BOC: variants seen among roughly 807,000 people sequenced by gnomAD.
BOC encodes BOC cell adhesion associated, oncogene regulated, also known as brother of CDO.
In BOC, 76 loss-of-function variants were observed where a neutral mutation model predicts 112.0. The observed-to-expected ratio is 0.68, with a 90% CI of 0.56 to 0.82. The LOEUF is 0.82. Among genes scored for constraint, BOC ranks in the 40% least tolerant of loss-of-function variants. The pLI, the probability that BOC is intolerant of heterozygous loss-of-function variation, is 0.00. For missense variants in BOC, 1,309 were observed against 1,511.7 expected (o/e 0.87, Z 2.22); for synonymous variants, 580 against 599.8 (o/e 0.97, Z 0.48).
In BOC at chr3:113,250,693, A is replaced by T. The variant is rs1559841171; in HGVS notation, c.236A>T (p.Asp79Val). Residue 79 changes from aspartate (D) to valine (V), a missense_variant, in exon 4 of 20, where the codon GAT (aspartate) becomes GTT (valine). Transcript: ENST00000682979. Reference sequence around the variant, plus strand: ...AATGGAAAGGAGCTGAATGGCTCGGATGATGCTCTGGGTGTCCTCATCACC... The same window carrying T: ...AATGGAAAGGAGCTGAATGGCTCGGTTGATGCTCTGGGTGTCCTCATCACC... ...RLNGKELNGS[D>V]DALGVLITHG... 1 of 1,614,152 alleles carries T rather than the reference A, an allele frequency of 6.2e-7. No homozygotes were observed.
intron 9 of BOC, among the ~76,000 whole-genome samples, chr3:113,277,775 A>G (rs1439734145): frequency 6.6e-6 from 1 of 152,250 alleles, no homozygotes; most frequent in Non-Finnish European, 1.5e-5. Context: ...AAACATGGAG[A>G]TTCTTTGAAA....
chr3:113,238,050 G>A (rs752187502), intron 2 of BOC, among the ~76,000 whole-genome samples: 1 of 152,178 alleles, frequency 6.6e-6, no homozygotes, highest in Non-Finnish European at 1.5e-5. Context: ...CTGTAGAAAT[G>A]TTATATAAGG....
chr3:113,267,308 G>A (rs1377590889), intron 4 of BOC, among the ~76,000 whole-genome samples: 1 of 152,146 alleles, frequency 6.6e-6, no homozygotes, highest in African/African-American at 2.4e-5. Context: ...TGAGTGATTT[G>A]TCTCATACAA....
At position 113,281,037 on chromosome 3, in the gene BOC, A is replaced by G. The variant is rs368564646; in HGVS notation, c.2318A>G (p.Lys773Arg). 6.2e-6 allele frequency: 10 copies of G among 1,613,918 alleles called. No homozygotes were observed. The highest frequency in any genetic ancestry group is 4.0e-5 in the African/African-American group (3 of 74,914). The stretch of plus-strand genomic sequence containing the variant: ...CTCTGACTCTGTTTCCCAGGGGACA[A>G]GTACTGGCACTCCATCAGCCACCTG... ...DYKKDMVEGD[K>R]YWHSISHLQP... The change falls in exon 15 of 20, where the codon AAG (lysine) becomes AGG (arginine). Residue 773 changes from lysine (K) to arginine (R), a missense_variant. Transcript: ENST00000682979.
intron 2 of BOC, among the ~76,000 whole-genome samples, chr3:113,226,503 T>C (rs1300556778): frequency 6.6e-6 from 1 of 152,216 alleles, no homozygotes; most frequent in Non-Finnish European, 1.5e-5. Context: ...GACCCCTTAA[T>C]AACTAAGTTC....
chr3:113,223,795 C>T (rs746103427), intron 2 of BOC, among the ~76,000 whole-genome samples: 4 of 152,232 alleles, frequency 2.6e-5, no homozygotes, highest in African/African-American at 2.4e-5. Flanking sequence ...ATACACACTT[C>T]CAGCTGGGGA....
At chr3:113,221,796 T>G (rs1402300761) in intron 2 of BOC, among the ~76,000 whole-genome samples, 2 of 152,204 alleles carry the variant, frequency 1.3e-5, no homozygotes, top group African/African-American at 4.8e-5. Flanking sequence ...GCTTCCTGTT[T>G]GATTAAGAGA....
At chr3:113,264,222 A>C (rs919763140) in intron 4 of BOC, among the ~76,000 whole-genome samples, 15 of 152,240 alleles carry the variant, frequency 9.9e-5, no homozygotes, top group Non-Finnish European at 1.9e-4. Flanking sequence ...AAGTGGGTCT[A>C]CTAGCGTTTG....
rs1475822761 is a variant in BOC at position 113,253,091 on chromosome 3, G to A, written c.376+2258G>A. On this transcript the variant is annotated intron_variant, in intron 4 of 19. Coordinates refer to ENST00000682979, the MANE Select transcript of BOC (RefSeq NM_001378074.1). ...ATATAAAATAATCTCTCATAAGCCT[G>A]CTATCTTCATATAACCACCACCATC... Among the ~76,000 whole-genome samples, 3 of 152,240 alleles carry A rather than the reference G, an allele frequency of 2.0e-5. No homozygotes were observed. The East Asian group carries it at 5.8e-4, about 29-fold the overall frequency.
chr3:113,270,795 C>G lies in BOC; in HGVS notation c.524-6C>G. 3 of 1,605,794 alleles carry G rather than the reference C, an allele frequency of 1.9e-6. No individual in the cohort carries two copies. The highest frequency in any genetic ancestry group is 2.6e-6 in the Non-Finnish European group (3 of 1,175,660). Reference sequence around the variant, plus strand: ...CCATCTTCCCCTGGCCCTGCCCTTTCCACAGGTAACTACCTGATCATGCCC... The same window carrying G: ...CCATCTTCCCCTGGCCCTGCCCTTTGCACAGGTAACTACCTGATCATGCCC... On this transcript the variant is annotated splice_region_variant and splice_polypyrimidine_tract_variant and intron_variant, in intron 5 of 19. Transcript: ENST00000682979.
chr3:113,224,142 G>A (rs539894471), intron 2 of BOC, among the ~76,000 whole-genome samples: 8 of 152,314 alleles, frequency 5.3e-5, no homozygotes, highest in Admixed American at 6.5e-5. Flanking sequence ...GGCAGGCAGC[G>A]CTCTTGCACG....
rs767468741 is a variant in BOC at position 113,281,033 on chromosome 3, G to T, written c.2314G>T (p.Asp772Tyr). The change falls in exon 15 of 20, where the codon GAC becomes TAC. Residue 772 changes from aspartate (D) to tyrosine (Y), a missense_variant and splice_region_variant. Transcript: ENST00000682979. Reference protein sequence around the residue: ...SDYKKDMVEGDKYWHSISHLQ... With the variant: ...SDYKKDMVEGYKYWHSISHLQ... ...CATTCTCTGACTCTGTTTCCCAGGGGACAAGTACTGGCACTCCATCAGCCA... is the reference window on the plus strand; with the variant it reads ...CATTCTCTGACTCTGTTTCCCAGGGTACAAGTACTGGCACTCCATCAGCCA... 9 of 1,613,932 alleles carry T rather than the reference G, an allele frequency of 5.6e-6. No homozygotes were observed. The highest frequency in any genetic ancestry group is 7.6e-6 in the Non-Finnish European group (9 of 1,180,002).
At chr3:113,244,376 A>G (rs906919037) in intron 2 of BOC, among the ~76,000 whole-genome samples, 7 of 152,204 alleles carry the variant, frequency 4.6e-5, no homozygotes, top group Admixed American at 2.6e-4. Flanking sequence ...CAAAATTTGG[A>G]TGAGGAATAA....
chr3:113,220,423 A>C (rs1328534032), intron 2 of BOC, among the ~76,000 whole-genome samples: 10 of 152,208 alleles, frequency 6.6e-5, no homozygotes, highest in Non-Finnish European at 1.3e-4. Context: ...AATGGAAATG[A>C]GGTCATGGAA....
chr3:113,214,451 G>T (rs899562685), intron 1 of BOC, among the ~76,000 whole-genome samples: 1 of 152,216 alleles, frequency 6.6e-6, no homozygotes, highest in Non-Finnish European at 1.5e-5. Context: ...CCCCTAGGGG[G>T]TCTGGGTTCA....
At position 113,271,202 on chromosome 3, in the gene BOC, C is replaced by T. The variant is rs530503198; in HGVS notation, c.667+258C>T. Reference sequence around the variant, plus strand: ...CCTGCCTGATGGGAGGTTTCCTTCACGGTTACTTTGCGATTGGGATGGGTC... The same window carrying T: ...CCTGCCTGATGGGAGGTTTCCTTCATGGTTACTTTGCGATTGGGATGGGTC... On this transcript the variant is annotated intron_variant, in intron 6 of 19. Transcript: ENST00000682979. 63 of 653,390 alleles carry T rather than the reference C, an allele frequency of 9.6e-5. 1 individual carries two copies. Among genetic ancestry groups the T allele is most frequent in the South Asian group, 5.1e-4 (34 of 66,350 alleles). The allele number at this position is 653,390 out of a possible 1,614,324, so 40.5% of individuals were successfully genotyped here.
chr3:113,229,817 A>G (rs1203712477), intron 2 of BOC, among the ~76,000 whole-genome samples: 1 of 152,268 alleles, frequency 6.6e-6, no homozygotes, highest in Non-Finnish European at 1.5e-5. Flanking sequence ...CACCGTATCC[A>G]GTACAGAACA....
At chr3:113,217,923 G>A (rs568790313) in intron 2 of BOC, among the ~76,000 whole-genome samples, 3 of 152,326 alleles carry the variant, frequency 2.0e-5, no homozygotes, top group African/African-American at 7.2e-5. Context: ...ATCTACATGA[G>A]ATTTTAGCTG....
chr3:113,272,575 G>A lies in BOC; in HGVS notation c.833G>A (p.Arg278His), dbSNP rs747971884. The A allele has an allele frequency of 9.9e-6, 16 of 1,613,924 alleles. No individual in the cohort carries two copies. The highest frequency in any genetic ancestry group is 2.2e-5 in the East Asian group (1 of 44,876). The change falls in exon 7 of 20, where the codon CGC (arginine) becomes CAC (histidine). Residue 278 changes from arginine to histidine, a missense_variant. By Grantham distance (29) the Arg-to-His change is conservative (BLOSUM62 0). Transcript: ENST00000682979. The stretch of plus-strand genomic sequence containing the variant: ...AGTGTCACCGGCTACAACAAGACGC[G>A]CTTCCTGCTGAGCAACCTCCTCATC... ...GSSVTGYNKT[R>H]FLLSNLLIDT...
Sources: allele counts gnomAD v4.1 joint callset (sites outside exome capture counted in the v4.1 genomes callset), GRCh38; gene constraint gnomAD v4.1.1; transcripts MANE v1.5; gene names NCBI Gene and HGNC (gene_info 2026-07-23, HGNC 2026-07-21).